The following KCNT2 variants were observed in gnomAD, a reference collection of about 807,000 sequenced individuals.
KCNT2 encodes the protein potassium sodium-activated channel subfamily T member 2, also known as potassium channel subfamily T member 2.
In KCNT2, 67 loss-of-function variants were observed where a neutral mutation model predicts 153.8. The observed-to-expected ratio is 0.44, with a 90% CI of 0.36 to 0.53. The LOEUF is 0.53. KCNT2 is among the 20% of genes least tolerant of loss of function. KCNT2 has a pLI of 0.00. For synonymous variants in KCNT2, 500 were observed against 458.8 expected, an observed-to-expected ratio of 1.09 and a Z score of -1.15; for missense variants, 975 against 1,354.8, an observed-to-expected ratio of 0.72 and a Z score of 4.40.
intron 14 of KCNT2, among the ~76,000 whole-genome samples, chr1:196,348,339 G>C (rs943325047): frequency 1.4e-4 from 22 of 152,104 alleles, no homozygotes; most frequent in Non-Finnish European, 3.2e-4. Context: ...AAAAAGCGTA[G>C]AGTGGGAAGC....
At chr1:196,532,864 C>T (rs917974056) in intron 1 of KCNT2, among the ~76,000 whole-genome samples, 7 of 151,984 alleles carry the variant, frequency 4.6e-5, no homozygotes, top group African/African-American at 1.7e-4. Context: ...TAAGGCACTG[C>T]AATGAAACAA....
intron 12 of KCNT2, among the ~76,000 whole-genome samples, chr1:196,421,809 G>T (rs949160902): frequency 6.6e-6 from 1 of 151,958 alleles, no homozygotes; most frequent in Non-Finnish European, 1.5e-5. Flanking sequence ...TTGTTGGCAG[G>T]GTTGGATCTT....
intron 1 of KCNT2, among the ~76,000 whole-genome samples, chr1:196,549,068 T>G (rs1290284839): frequency 1.3e-5 from 2 of 152,066 alleles, no homozygotes; most frequent in Non-Finnish European, 2.9e-5. Context: ...GACGAGTTAG[T>G]GGGTGCAGCG....
At chr1:196,531,444 ACT>A (rs761955444) in intron 1 of KCNT2, among the ~76,000 whole-genome samples, 2 of 151,642 alleles carry the variant, frequency 1.3e-5, no homozygotes, top group Non-Finnish European at 1.5e-5. Context: ...CTGTTCTGCG[ACT>A]CTATTTCCTC....
rs117496961 is a variant in KCNT2 at position 196,556,290 on chromosome 1, C to T, written c.95+51925G>A. ...ATAACCAAAATATAAAGAGGTCAAA[C>T]AACTCTATAGGAAAACCATCTAATA... On this transcript the variant is annotated intron_variant, in intron 1 of 27. Transcript: ENST00000294725. Among the ~76,000 whole-genome samples the T allele has an allele frequency of 5.4e-4, 82 of 151,464 alleles. 1 individual carries two copies. The East Asian group carries it at 0.015, about 27-fold the overall frequency.
chr1:196,351,515 T>C (rs1267594277), intron 14 of KCNT2, among the ~76,000 whole-genome samples: 1 of 152,036 alleles, frequency 6.6e-6, no homozygotes, highest in Non-Finnish European at 1.5e-5. Context: ...TGTCTGTTAT[T>C]GGTGTATAAG....
At position 196,462,289 on chromosome 1, in the gene KCNT2, C is replaced by T. The variant is rs146043676; in HGVS notation, c.638+3004G>A. 1.7e-4 allele frequency among the ~76,000 whole-genome samples: 26 copies of T among 151,584 alleles called. No individual in the cohort carries two copies. In the East Asian group the frequency reaches 3.5e-3, roughly 20 times the overall value. On this transcript the variant is annotated intron_variant, in intron 8 of 27. Transcript: ENST00000294725. ...ACTCTGAATGAAGTAAAACTGGAGC[C>T]ATGGGCATGTCGCAATGCTGTGTGT... is the stretch of plus-strand genomic sequence containing the variant.
intron 14 of KCNT2, among the ~76,000 whole-genome samples, chr1:196,356,273 T>G (rs968759043): frequency 6.6e-6 from 1 of 151,726 alleles, no homozygotes; most frequent in African/African-American, 2.4e-5. Context: ...AAAAGCAATA[T>G]TAAATTTCAT....
chr1:196,246,102 A>G (rs1655420343), intron 26 of KCNT2, among the ~76,000 whole-genome samples: 1 of 152,194 alleles, frequency 6.6e-6, no homozygotes, highest in Non-Finnish European at 1.5e-5. Context: ...GTAGCAAGAG[A>G]AAAGAAACAA....
In KCNT2 at chr1:196,340,520, A is replaced by C. The variant is rs773505414; in HGVS notation, c.1604T>G (p.Leu535Trp). The change falls in exon 16 of 28, where the codon TTG (leucine) becomes TGG (tryptophan). Residue 535 changes from leucine to tryptophan, a missense_variant. This residue lies in a region of KCNT2 where 325 missense variants were observed against 388.1 expected (regional missense o/e 0.84). Transcript: ENST00000294725. ...AATGTATCGAGGACCTGGATTCAGC[A>C]AAATGTTTTTATTATCCTCCCTCCT... The part of the protein sequence containing the change: ...GVRREDNKNI[L>W]LNPGPRYIMN... The C allele has an allele frequency of 6.2e-7, 1 of 1,611,454 alleles. No individual in the cohort carries two copies. Among genetic ancestry groups the C allele is most frequent in the Non-Finnish European group, 8.5e-7 (1 of 1,178,574 alleles).
At chr1:196,280,507 T>C (rs1342782459) in intron 25 of KCNT2, among the ~76,000 whole-genome samples, 2 of 152,206 alleles carry the variant, frequency 1.3e-5, no homozygotes, top group African/African-American at 4.8e-5. Flanking sequence ...GAAATCTAGG[T>C]TGCTTGCCCT....
chr1:196,309,595 T>G (rs1261049104), intron 21 of KCNT2, among the ~76,000 whole-genome samples: 1 of 151,926 alleles, frequency 6.6e-6, no homozygotes, highest in Non-Finnish European at 1.5e-5. Flanking sequence ...TGCCACCTAG[T>G]GAAAAATCTA....
intron 26 of KCNT2, among the ~76,000 whole-genome samples, chr1:196,241,350 T>C (rs940008303): frequency 1.3e-5 from 2 of 152,052 alleles, no homozygotes; most frequent in Admixed American, 6.6e-5. Flanking sequence ...ACATTATGTG[T>C]TATCCACCTA....
intron 8 of KCNT2, among the ~76,000 whole-genome samples, chr1:196,448,835 T>C (rs1349631288): frequency 6.6e-6 from 1 of 151,642 alleles, no homozygotes; most frequent in Non-Finnish European, 1.5e-5. Context: ...CTAACGACAC[T>C]CTAGATAGCT....
At position 196,460,175 on chromosome 1, in the gene KCNT2, G is replaced by A. The variant is rs141873839; in HGVS notation, c.638+5118C>T. Among the ~76,000 whole-genome samples the A allele has an allele frequency of 1.8e-3, 273 of 151,824 alleles. 2 individuals carry two copies. The highest frequency in any genetic ancestry group is 7.1e-3 in the South Asian group (34 of 4,818). ...TTTATCATTTCTATAAGGTATGTGC[G>A]TGTAATTTACAAAAATTATATCCAA... On this transcript the variant is annotated intron_variant, in intron 8 of 27. Transcript: ENST00000294725.
At chr1:196,427,447 C>G (rs1673752578) in intron 10 of KCNT2, among the ~76,000 whole-genome samples, 1 of 151,958 alleles carries the variant, frequency 6.6e-6, no homozygotes, top group Non-Finnish European at 1.5e-5. Flanking sequence ...AATACAAGAC[C>G]TTCAACAGAC....
At chr1:196,510,368 C>G (rs1399454403) in intron 1 of KCNT2, among the ~76,000 whole-genome samples, 1 of 152,076 alleles carries the variant, frequency 6.6e-6, no homozygotes, top group Non-Finnish European at 1.5e-5. Context: ...CAAAGTTGTA[C>G]AAATCATAAA....
chr1:196,387,323 G>A (rs1382123673), intron 13 of KCNT2, among the ~76,000 whole-genome samples: 1 of 151,530 alleles, frequency 6.6e-6, no homozygotes, highest in Non-Finnish European at 1.5e-5. Context: ...TTCTACCTTG[G>A]TTTCTTACTG....
At chr1:196,525,297 C>A (rs1275512475) in intron 1 of KCNT2, among the ~76,000 whole-genome samples, 2 of 151,998 alleles carry the variant, frequency 1.3e-5, no homozygotes, top group East Asian at 3.9e-4. Flanking sequence ...TCTGCCTTCT[C>A]GTTTCAGCTC....
Sources: allele counts gnomAD v4.1 joint callset (sites outside exome capture counted in the v4.1 genomes callset), GRCh38; gene constraint gnomAD v4.1.1; regional missense constraint gnomAD v4.1.1; transcripts MANE v1.5; gene names NCBI Gene and HGNC (gene_info 2026-07-23, HGNC 2026-07-21).